The following ARFGEF2 variants were observed in gnomAD, a reference collection of about 807,000 sequenced individuals.
ARFGEF2 encodes ARF guanine nucleotide exchange factor 2.
ARFGEF2 carries 74 observed loss-of-function variants against 219.9 expected under a neutral mutation model. That is an observed-to-expected ratio of 0.34 (90% CI 0.28 to 0.41). The LOEUF (loss-of-function observed/expected upper bound fraction) is 0.41, where lower values mean the gene tolerates loss of function less well. ARFGEF2 is among the 10% of genes least tolerant of loss of function. The pLI is 1.00. For missense variants in ARFGEF2, 1,743 were observed against 2,218.3 expected, an observed-to-expected ratio of 0.79 and a Z score of 4.30; for synonymous variants, 733 against 799.2, an observed-to-expected ratio of 0.92 and a Z score of 1.40.
In ARFGEF2 at chr20:49,005,142, CTTGAGAAGGGTGAA is replaced by C; in HGVS notation, c.3508_3521del (p.Glu1170SerfsTer14). The C allele has an allele frequency of 6.2e-7, 1 of 1,614,180 alleles. No individual in the cohort carries two copies. The highest frequency in any genetic ancestry group is 8.5e-7 in the Non-Finnish European group (1 of 1,180,030). On this transcript the variant is annotated frameshift_variant, in exon 26 of 39. Transcript: ENST00000371917. LOFTEE classifies it high-confidence loss of function. ...ATTAAGGCAACTCTCCATGAAGTTT[CTTGAGAAGGGTGAA>C]TTAGCCAACTTCCGTTTCCAGAAAG...
In ARFGEF2 at chr20:49,011,596, T is replaced by TTTAC. The variant is rs544467084; in HGVS notation, c.3758-325_3758-322dup. Among the ~76,000 whole-genome samples the TTTAC allele has an allele frequency of 2.5e-3, 386 of 152,298 alleles. 1 individual carries two copies. The highest frequency in any genetic ancestry group is 8.8e-3 in the African/African-American group (365 of 41,562). On this transcript the variant is annotated intron_variant, in intron 27 of 38. Transcript: ENST00000371917. Reference sequence around the variant, plus strand: ...CTGCCTGCGAGCACGTAACAAGATGTTTACTTCATCTCTATGGAAATTTTT... The same window carrying TTTAC: ...CTGCCTGCGAGCACGTAACAAGATGTTTACTTACTTCATCTCTATGGAAATTTTT...
chr20:49,028,920 A>G (rs1040755459), intron 37 of ARFGEF2, among the ~76,000 whole-genome samples: 1 of 152,218 alleles, frequency 6.6e-6, no homozygotes, highest in Non-Finnish European at 1.5e-5. Flanking sequence ...GCATAGAAAC[A>G]TGGACAGTGA....
chr20:48,951,557 T>C, intron 4 of ARFGEF2, 88 bp downstream of exon 4: 1 of 1,562,898 alleles, frequency 6.4e-7, no homozygotes, highest in African/African-American at 1.4e-5. Flanking sequence ...ATGTGTTAGT[T>C]GTCTCAGGTG....
rs2091223774 is a variant in ARFGEF2 at position 48,971,015 on chromosome 20, C to A, written c.1191-105C>A. On this transcript the variant is annotated intron_variant, in intron 9 of 38. Coordinates refer to ENST00000371917, the MANE Select transcript of ARFGEF2 (RefSeq NM_006420.3). ...TCCTGACATTTAGGTGCTATTAATT[C>A]TTTAAAATTCTACTCATTGGTAAAG... 4.2e-6 allele frequency: 4 copies of A among 942,016 alleles called. No individual in the cohort carries two copies. The East Asian group carries it at 1.0e-4, about 23-fold the overall frequency. The allele number at this position is 942,016 out of a possible 1,614,324, so 58.4% of individuals were successfully genotyped here.
intron 26 of ARFGEF2, among the ~76,000 whole-genome samples, chr20:49,008,495 G>A (rs1287574949): frequency 6.6e-6 from 1 of 151,804 alleles, no homozygotes; most frequent in Non-Finnish European, 1.5e-5. Flanking sequence ...CCTGGGAGGT[G>A]GAGGTTGCAG....
chr20:49,012,165 C>T, intron 28 of ARFGEF2, 81 bp downstream of exon 28: 1 of 1,571,936 alleles, frequency 6.4e-7, no homozygotes, highest in Non-Finnish European at 8.7e-7. Context: ...TAACAAAGAG[C>T]TTTCCAGCTA....
In ARFGEF2 at chr20:48,976,215, G is replaced by A. The variant is rs768119761; in HGVS notation, c.1958+16G>A. 2.7e-5 allele frequency: 44 copies of A among 1,613,376 alleles called. No homozygotes were observed. In the South Asian group the frequency reaches 4.2e-4, roughly 15 times the overall value. ...GCATCGAGCTGTGAGTGGGGCTGCCGTTAACTAGCAGGGATTCTAGCAAAG... is the reference window on the plus strand; with the variant it reads ...GCATCGAGCTGTGAGTGGGGCTGCCATTAACTAGCAGGGATTCTAGCAAAG... On this transcript the variant is annotated intron_variant, in intron 14 of 38. Transcript: ENST00000371917.
At chr20:48,969,025 A>G (rs2123408817) in intron 8 of ARFGEF2, 122 bp from the exon 9 acceptor site, 2 of 916,294 alleles carry the variant, frequency 2.2e-6, no homozygotes, top group Non-Finnish European at 3.5e-6. Flanking sequence ...CAATGGTGCC[A>G]TCATGGCTTA....
intron 2 of ARFGEF2, among the ~76,000 whole-genome samples, 165 bp from the exon 3 acceptor site, chr20:48,941,699 A>G (rs1457038688): frequency 6.6e-6 from 1 of 152,230 alleles, no homozygotes; most frequent in East Asian, 1.9e-4. Flanking sequence ...TGCATGTGGC[A>G]CTTCAGTGGT....
chr20:49,029,742 C>T (rs770237021), intron 37 of ARFGEF2, among the ~76,000 whole-genome samples: 20 of 151,756 alleles, frequency 1.3e-4, no homozygotes, highest in Non-Finnish European at 2.9e-4. Context: ...CAGGCGCGTG[C>T]CACCATACCT....
In ARFGEF2 at chr20:48,961,995, A is replaced by G. The variant is rs1383140860; in HGVS notation, c.839-1835A>G. Among the ~76,000 whole-genome samples, 3 of 151,570 alleles carry G rather than the reference A, an allele frequency of 2.0e-5. No individual in the cohort carries two copies. In the East Asian group the frequency reaches 5.8e-4, roughly 29 times the overall value. On this transcript the variant is annotated intron_variant, in intron 6 of 38. Coordinates refer to ENST00000371917, the MANE Select transcript of ARFGEF2 (RefSeq NM_006420.3). Reference sequence around the variant, plus strand: ...GGAGTTCAAGACTAGCCTGACCAACATGGAGAAACCCTATCTCTGCTAAAA... The same window carrying G: ...GGAGTTCAAGACTAGCCTGACCAACGTGGAGAAACCCTATCTCTGCTAAAA...
chr20:49,017,546 A>C lies in ARFGEF2; in HGVS notation c.4505A>C (p.His1502Pro), dbSNP rs760809126. 1 of 1,613,928 alleles carries C rather than the reference A, an allele frequency of 6.2e-7. No individual in the cohort carries two copies. Among genetic ancestry groups the C allele is most frequent in the Non-Finnish European group, 8.5e-7 (1 of 1,179,974 alleles). Reference protein sequence around the residue: ...VGMEEDSSEKHLDVDLDRQSL... With the variant: ...VGMEEDSSEKPLDVDLDRQSL... ...ATGGAGGAAGATTCATCAGAAAAGC[A>C]TTTGGTAGGATTTGGGGTTTTTCTT... is the stretch of plus-strand genomic sequence containing the variant. The change falls in exon 33 of 39, where the codon CAT becomes CCT. Residue 1502 changes from histidine to proline, a missense_variant. His to Pro is a moderately conservative substitution (Grantham distance 77). Around this residue, in one of 5 missense-constraint regions of ARFGEF2, gnomAD observed 578 missense variants for 664.0 expected, o/e 0.87. Transcript: ENST00000371917.
chr20:48,954,128 C>T (rs1319069887), intron 6 of ARFGEF2, among the ~76,000 whole-genome samples: 3 of 152,166 alleles, frequency 2.0e-5, no homozygotes. Context: ...CACAGGAGGA[C>T]AAGGGCTTAG....
chr20:49,005,920 C>T (rs1033064277), intron 26 of ARFGEF2, among the ~76,000 whole-genome samples: 8 of 152,072 alleles, frequency 5.3e-5, no homozygotes, highest in African/African-American at 1.9e-4. Flanking sequence ...CCCTGTGAAG[C>T]AGCCGTACTG....
chr20:49,000,851 T>C (rs1407181721), intron 25 of ARFGEF2, among the ~76,000 whole-genome samples: 1 of 152,186 alleles, frequency 6.6e-6, no homozygotes, highest in Non-Finnish European at 1.5e-5. Context: ...ATCAGTTTGC[T>C]CAAGTTACTC....
intron 36 of ARFGEF2, among the ~76,000 whole-genome samples, chr20:49,027,661 A>C (rs1453260261): frequency 6.6e-6 from 1 of 151,936 alleles, no homozygotes; most frequent in African/African-American, 2.4e-5. Context: ...GTGTCACTGC[A>C]CTCCAGCCTG....
intron 9 of ARFGEF2, 144 bp downstream of exon 9, chr20:48,969,421 C>T: frequency 2.1e-6 from 3 of 1,424,010 alleles, no homozygotes; most frequent in Non-Finnish European, 2.9e-6. Flanking sequence ...TACAACTTTT[C>T]AGACTCATGC....
chr20:48,957,977 G>A (rs2123372444), intron 6 of ARFGEF2, among the ~76,000 whole-genome samples: 1 of 152,300 alleles, frequency 6.6e-6, no homozygotes, highest in South Asian at 2.1e-4. Flanking sequence ...GAGGGAAAGA[G>A]GAGATCCATG....
intron 34 of ARFGEF2, among the ~76,000 whole-genome samples, chr20:49,021,921 G>A (rs2091567116): frequency 6.6e-6 from 1 of 151,396 alleles, no homozygotes; most frequent in South Asian, 2.1e-4. Context: ...GCTGAGGCGG[G>A]CAGATCACCT....
Sources: allele counts gnomAD v4.1 joint callset (sites outside exome capture counted in the v4.1 genomes callset), GRCh38; gene constraint gnomAD v4.1.1; regional missense constraint gnomAD v4.1.1; transcripts MANE v1.5; gene names NCBI Gene and HGNC (gene_info 2026-07-23, HGNC 2026-07-21).